WDFY2: variants seen among roughly 807,000 people sequenced by gnomAD.
WDFY2 encodes the protein WD repeat and FYVE domain-containing protein 2.
A neutral mutation model predicts 56.4 loss-of-function variants in WDFY2; 36 were observed. That is an observed-to-expected ratio of 0.64 (90% CI 0.49 to 0.84). The LOEUF is 0.84. Ranked by LOEUF, WDFY2 falls within the 40% of genes least tolerant of loss-of-function variation. The probability of loss-of-function intolerance (pLI) is 0.00; values close to 1 mark genes in which losing one functional copy is unlikely to be tolerated. For synonymous variants in WDFY2, 176 were observed against 183.7 expected (o/e 0.96, Z 0.34); for missense variants, 444 against 512.2 (o/e 0.87, Z 1.29).
In WDFY2 at chr13:51,596,115, G is replaced by A. The variant is rs555567862; in HGVS notation, c.137+11291G>A. Among the ~76,000 whole-genome samples the A allele has an allele frequency of 7.5e-4, 114 of 152,308 alleles. 5 individuals carry two copies. In the South Asian group the frequency reaches 0.024, roughly 32 times the overall value. On this transcript the variant is annotated intron_variant, in intron 1 of 11. Transcript: ENST00000298125. ...TTTAGTGTTCGTTGGGGGAGAAGGA[G>A]TGTTGGAATGGCTAATTCATTTCAT...
intron 1 of WDFY2, among the ~76,000 whole-genome samples, chr13:51,652,807 A>G (rs2138432826): frequency 6.6e-6 from 1 of 152,164 alleles, no homozygotes; most frequent in Middle Eastern, 3.4e-3. Flanking sequence ...TTTGTGAGTA[A>G]CCCGACCTTT....
At chr13:51,748,298 C>G (rs190595451) in intron 7 of WDFY2, among the ~76,000 whole-genome samples, 5 of 152,218 alleles carry the variant, frequency 3.3e-5, no homozygotes, top group African/African-American at 1.2e-4. Context: ...GGAGCCAACG[C>G]GTTAGTGATA....
Position 51,759,876 on chromosome 13 carries a change from C to A in WDFY2, c.*107C>A. 1 of 1,273,316 alleles carries A rather than the reference C, an allele frequency of 7.9e-7. No individual in the cohort carries two copies. Among genetic ancestry groups the A allele is most frequent in the Non-Finnish European group, 1.1e-6 (1 of 894,632 alleles). 78.9% of individuals were successfully genotyped at this position (1,273,316 alleles called of 1,614,324 possible). ...AGACATGTGAGAAGTAAGAAAGAAACTAAAGACCCTGAATGAATTTGCAGA... is the reference window on the plus strand; with the variant it reads ...AGACATGTGAGAAGTAAGAAAGAAAATAAAGACCCTGAATGAATTTGCAGA... On this transcript the variant is annotated 3_prime_UTR_variant, in exon 12 of 12. Transcript: ENST00000298125.
At chr13:51,601,134 C>T (rs1026331149) in intron 1 of WDFY2, among the ~76,000 whole-genome samples, 1 of 152,100 alleles carries the variant, frequency 6.6e-6, no homozygotes, top group African/African-American at 2.4e-5. Context: ...CATGGCTCAA[C>T]AAAATATTTT....
chr13:51,704,748 G>C (rs1243280333), intron 4 of WDFY2, among the ~76,000 whole-genome samples: 1 of 151,868 alleles, frequency 6.6e-6, no homozygotes, highest in East Asian at 1.9e-4. Context: ...GTTTTTACAT[G>C]TATCCTATAA....
intron 11 of WDFY2, 72 bp from the exon 12 acceptor site, chr13:51,759,668 G>T (rs1210132880): frequency 4.0e-6 from 6 of 1,482,456 alleles, no homozygotes; most frequent in Non-Finnish European, 5.6e-6. Flanking sequence ...TTTCCTTGAA[G>T]AATTCAGTTC....
chr13:51,756,170 G>A (rs1953374035), intron 9 of WDFY2, among the ~76,000 whole-genome samples, 162 bp from the exon 10 acceptor site: 1 of 152,216 alleles, frequency 6.6e-6, no homozygotes, highest in South Asian at 2.1e-4. Context: ...GAGCCCCAGA[G>A]AAGAACACAT....
chr13:51,751,482 T>G (rs1953235772), intron 8 of WDFY2, 67 bp downstream of exon 8: 3 of 1,374,012 alleles, frequency 2.2e-6, no homozygotes, highest in Admixed American at 3.4e-5. Flanking sequence ...TGCTTATTTC[T>G]TATTTCTTTT....
intron 1 of WDFY2, among the ~76,000 whole-genome samples, chr13:51,610,383 A>G (rs564671900): frequency 2.0e-5 from 3 of 152,250 alleles, no homozygotes; most frequent in Admixed American, 6.5e-5. Context: ...AGTATTACAT[A>G]TTTATAGTAT....
intron 6 of WDFY2, among the ~76,000 whole-genome samples, chr13:51,728,799 C>T (rs953483511): frequency 3.9e-5 from 6 of 152,146 alleles, no homozygotes; most frequent in Non-Finnish European, 8.8e-5. Context: ...CCCTGGTCTT[C>T]CCTGACTGAA....
chr13:51,604,561 T>C (rs1441411401), intron 1 of WDFY2, among the ~76,000 whole-genome samples: 1 of 152,210 alleles, frequency 6.6e-6, no homozygotes, highest in Non-Finnish European at 1.5e-5. Flanking sequence ...TTGAGGACTA[T>C]GTAGGACAAT....
chr13:51,683,001 ACT>A (rs1173244639), intron 3 of WDFY2, among the ~76,000 whole-genome samples: 2 of 152,024 alleles, frequency 1.3e-5, no homozygotes, highest in Admixed American at 6.6e-5. Context: ...TGACATGGAC[ACT>A]CTTTTTTCTG....
chr13:51,712,527 A>G (rs1225554441), intron 4 of WDFY2, among the ~76,000 whole-genome samples: 1 of 152,160 alleles, frequency 6.6e-6, no homozygotes, highest in Non-Finnish European at 1.5e-5. Flanking sequence ...AGAACTAAAC[A>G]TCTATATTAG....
intron 3 of WDFY2, among the ~76,000 whole-genome samples, chr13:51,692,178 C>T (rs1459510445): frequency 3.3e-5 from 5 of 152,066 alleles, no homozygotes; most frequent in Admixed American, 6.6e-5. Flanking sequence ...AATCAAATAC[C>T]CTTTATTTCC....
chr13:51,637,797 A>G (rs908174457), intron 1 of WDFY2, among the ~76,000 whole-genome samples: 1 of 152,200 alleles, frequency 6.6e-6, no homozygotes, highest in African/African-American at 2.4e-5. Context: ...GGTTTGTGAT[A>G]AAGGATTAAT....
chr13:51,688,136 C>T (rs1185624448), intron 3 of WDFY2, among the ~76,000 whole-genome samples: 3 of 152,186 alleles, frequency 2.0e-5, no homozygotes, highest in Admixed American at 6.5e-5. Context: ...TCAGTCAGTA[C>T]ACAGTTGCTG....
chr13:51,633,303 G>A (rs1225848469), intron 1 of WDFY2, among the ~76,000 whole-genome samples: 1 of 152,222 alleles, frequency 6.6e-6, no homozygotes, highest in Non-Finnish European at 1.5e-5. Flanking sequence ...CATGTGTAGT[G>A]GAGTGATTAA....
intron 1 of WDFY2, among the ~76,000 whole-genome samples, chr13:51,648,085 G>A (rs902010312): frequency 3.3e-5 from 5 of 152,168 alleles, no homozygotes; most frequent in African/African-American, 7.2e-5. Context: ...CCCTGAGGTC[G>A]CACTTGTCCT....
At chr13:51,745,915 T>C (rs761646812) in intron 7 of WDFY2, among the ~76,000 whole-genome samples, 19 of 151,524 alleles carry the variant, frequency 1.3e-4, no homozygotes, top group Non-Finnish European at 2.4e-4. Context: ...AATTCACTTC[T>C]ACCTGGAAGT....
Sources: gnomAD v4.1 joint callset for allele counts (sites outside exome capture counted in the v4.1 genomes callset) on GRCh38, gnomAD v4.1.1 for gene constraint, MANE v1.5 for transcripts, NCBI Gene and HGNC (gene_info 2026-07-23, HGNC 2026-07-21) for gene names.